Variants in CFAP157 observed in about 807,000 individuals in gnomAD.
CFAP157 encodes the protein cilia- and flagella-associated protein 157.
In CFAP157, 43 loss-of-function variants were observed where a neutral mutation model predicts 57.8. That is an observed-to-expected ratio of 0.74 (90% CI 0.58 to 0.96). The LOEUF (loss-of-function observed/expected upper bound fraction) is 0.96. Among genes scored for constraint, CFAP157 ranks in the 40% least tolerant of loss-of-function variants. CFAP157 has a pLI of 0.00. For synonymous variants in CFAP157, 267 were observed against 269.0 expected, an observed-to-expected ratio of 0.99 and a Z score of 0.07; for missense variants, 606 against 655.3, an observed-to-expected ratio of 0.92 and a Z score of 0.82.
In CFAP157 at chr9:127,714,372, G is replaced by A. The variant is rs372698746; in HGVS notation, c.*467G>A. 9 of 1,614,122 alleles carry A rather than the reference G, an allele frequency of 5.6e-6. No individual in the cohort carries two copies. Among genetic ancestry groups the A allele is most frequent in the African/African-American group, 2.7e-5 (2 of 74,944 alleles). Reference sequence around the variant, plus strand: ...GACCCAGTTGCACAACAAAAGGGTAGACTCACATTGGAGTTGAGGCAGCTA... The same window carrying A: ...GACCCAGTTGCACAACAAAAGGGTAAACTCACATTGGAGTTGAGGCAGCTA... On this transcript the variant is annotated 3_prime_UTR_variant, in exon 9 of 9. Coordinates refer to ENST00000373295, the MANE Select transcript of CFAP157 (RefSeq NM_001012502.3).
intron 4 of CFAP157, 115 bp from the exon 5 acceptor site, chr9:127,711,705 C>CT: frequency 7.9e-7 from 1 of 1,267,900 alleles, no homozygotes; most frequent in South Asian, 1.5e-5. Flanking sequence ...GAAGCAGAGT[C>CT]CAGCCCTGGA....
chr9:127,711,736 A>AT (rs1842769538), intron 4 of CFAP157, 84 bp from the exon 5 acceptor site: 3 of 1,466,956 alleles, frequency 2.0e-6, no homozygotes, highest in Non-Finnish European at 2.8e-6. Flanking sequence ...GCCGCTCTGC[A>AT]TAGGGGAACA....
chr9:127,708,797 G>T (rs565863695), intron 1 of CFAP157, among the ~76,000 whole-genome samples: 18 of 152,346 alleles, frequency 1.2e-4, no homozygotes, highest in African/African-American at 3.8e-4. Context: ...TGTGGCTCAG[G>T]GCCAAGAAGG....
rs749309482 is a variant in CFAP157 at position 127,712,605 on chromosome 9, A to G, written c.1138-104A>G. On this transcript the variant is annotated intron_variant, in intron 6 of 8. Coordinates refer to ENST00000373295, the MANE Select transcript of CFAP157 (RefSeq NM_001012502.3). ...CTGAAGAATGGGTATCCCACCACAG[A>G]CAGGGAAAACTTCGTGGAAATGGGC... The G allele has an allele frequency of 7.5e-6, 12 of 1,594,908 alleles. No homozygotes were observed. In the Admixed American group the frequency reaches 2.1e-4, roughly 28 times the overall value.
Position 127,715,542 on chromosome 9 carries a change from A to G in CFAP157, c.*1637A>G. 6.2e-7 allele frequency: 1 copy of G among 1,613,364 alleles called. No individual in the cohort carries two copies. ...CCTACGTCGCCGCCCCACGCCACTC[A>G]CCATCCACCGCTTCCCCGGGGGGCG... is the stretch of plus-strand genomic sequence containing the variant. On this transcript the variant is annotated 3_prime_UTR_variant, in exon 9 of 9. Transcript: ENST00000373295. This position sits in a 1 kb window ranked among gnomAD's most constrained non-coding sequence, Gnocchi z 5.8.
intron 5 of CFAP157, 49 bp from the exon 6 acceptor site, chr9:127,712,150 A>C (rs1337137293): frequency 6.2e-7 from 1 of 1,605,236 alleles, no homozygotes; most frequent in East Asian, 2.2e-5. Context: ...AGGTGGCCCC[A>C]GTCCTGGGGA....
rs1340682678 is a variant in CFAP157 at position 127,712,891 on chromosome 9, T to C, written c.1304+16T>C. 4.4e-6 allele frequency: 7 copies of C among 1,603,352 alleles called. No homozygotes were observed. In the African/African-American group the frequency reaches 9.4e-5, roughly 21 times the overall value. ...CCAAGGAGAGGTAAGCAAGTGGCCC[T>C]GTGTGGCCTCAGAGGCAGCCACAGA... On this transcript the variant is annotated intron_variant, in intron 7 of 8. Transcript: ENST00000373295.
At position 127,712,350 on chromosome 9, in the gene CFAP157, G is replaced by A. The variant is rs562137135; in HGVS notation, c.1137+1G>A. ...CTCCTTCCTACAGAACATTCTGCAG[G>A]TGAGCAGAAGGGAGAGAGGGAGGGC... On this transcript the variant is annotated splice_donor_variant, in intron 6 of 8. Coordinates refer to ENST00000373295, the MANE Select transcript of CFAP157 (RefSeq NM_001012502.3). LOFTEE classifies it high-confidence loss of function. 1 of 1,613,786 alleles carries A rather than the reference G, an allele frequency of 6.2e-7. No individual in the cohort carries two copies. Among genetic ancestry groups the A allele is most frequent in the African/African-American group, 1.3e-5 (1 of 75,056 alleles).
intron 6 of CFAP157, 59 bp from the exon 7 acceptor site, chr9:127,712,650 G>A (rs1203739449): frequency 6.2e-7 from 1 of 1,613,318 alleles, no homozygotes; most frequent in South Asian, 1.1e-5. Flanking sequence ...GGAATTTCCT[G>A]GACGAGGGTG....
At chr9:127,711,103 A>T (rs968023325) in intron 3 of CFAP157, 126 bp from the exon 4 acceptor site, 2 of 1,258,200 alleles carry the variant, frequency 1.6e-6, no homozygotes, top group Non-Finnish European at 2.2e-6. Context: ...CATAGCCCCA[A>T]CCCTCCCAGG....
chr9:127,714,068 T>A lies in CFAP157; in HGVS notation c.*163T>A, dbSNP rs778399562. 6.2e-7 allele frequency: 1 copy of A among 1,605,656 alleles called. No individual in the cohort carries two copies. Among genetic ancestry groups the A allele is most frequent in the South Asian group, 1.1e-5 (1 of 90,472 alleles). On this transcript the variant is annotated 3_prime_UTR_variant, in exon 9 of 9. Transcript: ENST00000373295. ...TGGCAGTGGCTGGGTTGGTGGGCAC[T>A]ACAGTCAGGCAGGCAGCCATGGCCA...
intron 4 of CFAP157, 89 bp from the exon 5 acceptor site, chr9:127,711,731 T>A (rs1383996850): frequency 2.3e-5 from 33 of 1,436,620 alleles, no homozygotes; most frequent in Non-Finnish European, 3.1e-5. Context: ...CACTGGCCGC[T>A]CTGCATAGGG....
At position 127,714,698 on chromosome 9, in the gene CFAP157, C is replaced by G; in HGVS notation, c.*793C>G. The G allele has an allele frequency of 6.2e-7, 1 of 1,611,126 alleles. No individual in the cohort carries two copies. The highest frequency in any genetic ancestry group is 1.1e-5 in the South Asian group (1 of 90,514). ...CTTCCTCGGCAGTCAGCCCAAACAG[C>G]TCCGCTTAGCACAGGGAAACGGCAG... On this transcript the variant is annotated 3_prime_UTR_variant, in exon 9 of 9. Transcript: ENST00000373295.
Position 127,710,710 on chromosome 9 carries a change from C to G in CFAP157, c.543C>G (p.Asp181Glu). 1 of 1,573,472 alleles carries G rather than the reference C, an allele frequency of 6.4e-7. No homozygotes were observed. The highest frequency in any genetic ancestry group is 8.6e-7 in the Non-Finnish European group (1 of 1,158,562). Reference protein sequence around the residue: ...QVRKQENEFRDYAYNLEKKSV... With the variant: ...QVRKQENEFREYAYNLEKKSV... ...GGAAGCAGGAGAATGAGTTCAGGGA[C>G]TATGCATACAACCTGGAGAAGAAGT... is the stretch of plus-strand genomic sequence containing the variant. Residue 181 changes from aspartate to glutamate, a missense_variant, in exon 3 of 9, where the codon GAC becomes GAG. Transcript: ENST00000373295.
At position 127,715,529 on chromosome 9, in the gene CFAP157, C is replaced by T; in HGVS notation, c.*1624C>T. The T allele has an allele frequency of 1.2e-6, 2 of 1,613,346 alleles. No individual in the cohort carries two copies. Among genetic ancestry groups the T allele is most frequent in the Non-Finnish European group, 1.7e-6 (2 of 1,180,020 alleles). ...GGGACCGGGAGCCCCTACGTCGCCG[C>T]CCCACGCCACTCACCATCCACCGCT... On this transcript the variant is annotated 3_prime_UTR_variant, in exon 9 of 9. Coordinates refer to ENST00000373295, the MANE Select transcript of CFAP157 (RefSeq NM_001012502.3). The surrounding 1 kb of genome is among the most constrained non-coding windows in gnomAD (Gnocchi z 5.8).
At chr9:127,713,460 C>CCCTGAAGA (rs1259480764) in intron 8 of CFAP157, 5 of 475,572 alleles carry the variant, frequency 1.1e-5, no homozygotes, top group Non-Finnish European at 1.8e-5. Context: ...AGTGGGATCC[C>CCCTGAAGA]CCTGAAGAGG....
At position 127,712,404 on chromosome 9, in the gene CFAP157, G is replaced by A. The variant is rs1842788023; in HGVS notation, c.1137+55G>A. On this transcript the variant is annotated intron_variant, in intron 6 of 8. Transcript: ENST00000373295. ...AGGGGAGGGGGAGTGAGCGCAAGAT[G>A]GAAGCTGCTTGCAGAGAAGGGGCTG... 3.1e-6 allele frequency: 5 copies of A among 1,596,496 alleles called. No individual in the cohort carries two copies. The Admixed American group carries it at 5.2e-5, about 16-fold the overall frequency.
At chr9:127,710,790 G>C (rs1285552952) in intron 3 of CFAP157, 36 bp downstream of exon 3, 1 of 1,550,220 alleles carries the variant, frequency 6.5e-7, no homozygotes, top group African/African-American at 1.4e-5. Flanking sequence ...GCCTTTGGAG[G>C]CTTCATCCCT....
At position 127,707,155 on chromosome 9, in the gene CFAP157, C is replaced by T. The variant is rs1842664888; in HGVS notation, c.124C>T (p.His42Tyr). 2 of 1,613,436 alleles carry T rather than the reference C, an allele frequency of 1.2e-6. No homozygotes were observed. The highest frequency in any genetic ancestry group is 1.3e-5 in the African/African-American group (1 of 74,930). The part of the protein sequence containing the change: ...PLAKEMKEFY[H>Y]IQIRDLEDRL... ...GGCCAAGGAGATGAAGGAGTTCTACCACATCCAGATCCGAGACCTGGAGGA... is the reference window on the plus strand; with the variant it reads ...GGCCAAGGAGATGAAGGAGTTCTACTACATCCAGATCCGAGACCTGGAGGA... The change falls in exon 1 of 9, where the codon CAC (histidine) becomes TAC (tyrosine). Residue 42 changes from histidine (H) to tyrosine (Y), a missense_variant. By Grantham distance (83) the His-to-Tyr change is moderately conservative. Coordinates refer to ENST00000373295, the MANE Select transcript of CFAP157 (RefSeq NM_001012502.3).
Sources: gnomAD v4.1 joint callset for allele counts (sites outside exome capture counted in the v4.1 genomes callset) on GRCh38, gnomAD v4.1.1 for gene constraint, Gnocchi (gnomAD v3.1) non-coding constraint, MANE v1.5 for transcripts, NCBI Gene and HGNC (gene_info 2026-07-23, HGNC 2026-07-21) for gene names.